Variants in FRMPD1 observed in about 807,000 individuals in gnomAD.
FRMPD1 encodes the protein FERM and PDZ domain-containing protein 1.
Under a neutral mutation model 117.8 loss-of-function variants are expected in FRMPD1, and 76 were observed. The observed-to-expected ratio is 0.65, with a 90% CI of 0.54 to 0.78. The LOEUF is 0.78. Among genes scored for constraint, FRMPD1 ranks in the 30% least tolerant of loss-of-function variants. The pLI, the probability that FRMPD1 is intolerant of heterozygous loss-of-function variation, is 0.00. For synonymous variants in FRMPD1, 783 were observed against 770.4 expected, an observed-to-expected ratio of 1.02 and a Z score of -0.27; for missense variants, 1,786 against 1,964.5, an observed-to-expected ratio of 0.91 and a Z score of 1.72.
chr9:37,677,807 C>T (rs538099789), intron 1 of FRMPD1, among the ~76,000 whole-genome samples: 1 of 152,300 alleles, frequency 6.6e-6, no homozygotes, highest in African/African-American at 2.4e-5. Flanking sequence ...AAAAACCTTG[C>T]AACCTTTGCT....
At chr9:37,690,680 A>T (rs1228676120) in intron 1 of FRMPD1, among the ~76,000 whole-genome samples, 1 of 152,268 alleles carries the variant, frequency 6.6e-6, no homozygotes, top group South Asian at 2.1e-4. Context: ...CCAGAGAAGG[A>T]TTCTCTAATC....
intron 2 of FRMPD1, among the ~76,000 whole-genome samples, chr9:37,697,430 G>A (rs559168386): frequency 1.3e-5 from 2 of 152,124 alleles, no homozygotes; most frequent in African/African-American, 2.4e-5. Flanking sequence ...AGCCGGGCGT[G>A]GTGGCAGGCG....
At chr9:37,701,922 C>G (rs1822547325) in intron 2 of FRMPD1, among the ~76,000 whole-genome samples, 1 of 152,036 alleles carries the variant, frequency 6.6e-6, no homozygotes, top group African/African-American at 2.4e-5. Context: ...GAAATGGACC[C>G]TTTTTGAGAT....
At position 37,744,419 on chromosome 9, in the gene FRMPD1, G is replaced by C. The variant is rs768281905; in HGVS notation, c.2387G>C (p.Ser796Thr). The change falls in exon 16 of 16, where the codon AGT becomes ACT. Residue 796 changes from serine (S) to threonine (T), a missense_variant. Physicochemically the swap from Ser to Thr is moderately conservative, Grantham distance 58. Coordinates refer to ENST00000377765, the MANE Select transcript of FRMPD1 (RefSeq NM_014907.3). ...GPRDVSTAEP[S>T]ATSLQNKAST... ...AGAGATGTTTCTACTGCAGAACCCA[G>C]TGCCACAAGCTTGCAGAATAAGGCC... 5.0e-6 allele frequency: 8 copies of C among 1,610,570 alleles called. No homozygotes were observed. In the East Asian group the frequency reaches 1.3e-4, roughly 27 times the overall value.
intron 13 of FRMPD1, 135 bp downstream of exon 13, chr9:37,735,869 T>A (rs755377480): frequency 1.6e-6 from 1 of 638,550 alleles, no homozygotes; most frequent in Non-Finnish European, 2.6e-6. Context: ...GAATTGTCCA[T>A]CCTGTTCTAT....
chr9:37,621,236 G>A, the FRMPD1 span, among the ~76,000 whole-genome samples: 3 of 152,194 alleles, frequency 2.0e-5, no homozygotes, highest in Non-Finnish European at 2.9e-5. Context: ...GAATAGATGA[G>A]TGAATTGTAA....
intron 2 of FRMPD1, among the ~76,000 whole-genome samples, chr9:37,703,650 C>G (rs1018197322): frequency 3.3e-5 from 5 of 152,186 alleles, no homozygotes; most frequent in African/African-American, 1.2e-4. Flanking sequence ...TTTCATCCCC[C>G]ACAAAGGAAA....
the FRMPD1 span, chr9:37,636,592 A>T: frequency 1.1e-6 from 1 of 903,366 alleles, no homozygotes; most frequent in Non-Finnish European, 1.6e-6. Context: ...CCACAGACTC[A>T]AATGCCCCAG....
rs376023048 is a variant in FRMPD1, at chr9:37,744,642, C to T, written c.2610C>T (p.Asp870=). ...LESVDDVCYY[D]REPYLALGAP... is the part of the protein sequence containing the mutation. ...GTGTAGACGACGTGTGCTACTATGACAGGGAGCCCTACCTGGCCCTTGGTG... is the reference window on the plus strand; with the variant it reads ...GTGTAGACGACGTGTGCTACTATGATAGGGAGCCCTACCTGGCCCTTGGTG... Residue 870 remains aspartate (D), a synonymous_variant, in exon 16 of 16, where the codon GAC becomes GAT. Transcript: ENST00000377765. 6.2e-7 allele frequency: 1 copy of T among 1,613,980 alleles called. No individual in the cohort carries two copies. The highest frequency in any genetic ancestry group is 1.3e-5 in the African/African-American group (1 of 75,028).
chr9:37,743,590 T>C (rs1010959727), intron 15 of FRMPD1, among the ~76,000 whole-genome samples: 5 of 143,566 alleles, frequency 3.5e-5, no homozygotes, highest in African/African-American at 5.1e-5. Flanking sequence ...TCTGGAGAAT[T>C]TGTAGCTGAT....
Position 37,729,747 on chromosome 9 carries a change from A to C in FRMPD1, c.632A>C (p.Lys211Thr). 1 of 1,614,074 alleles carries C rather than the reference A, an allele frequency of 6.2e-7. No individual in the cohort carries two copies. The highest frequency in any genetic ancestry group is 2.2e-5 in the East Asian group (1 of 44,882). ...TGCTAGGACATCATCCTCACCGTGA[A>C]GGAGAAGCTGTCCATCCGAAGTATC... ...TTVKDIILTV[K>T]EKLSIRSIEY... The change falls in exon 8 of 16, where the codon AAG (lysine) becomes ACG (threonine). Residue 211 changes from lysine to threonine, a missense_variant. Coordinates refer to ENST00000377765, the MANE Select transcript of FRMPD1 (RefSeq NM_014907.3).
intron 1 of FRMPD1, among the ~76,000 whole-genome samples, chr9:37,675,105 C>T (rs187523512): frequency 2.6e-5 from 4 of 151,952 alleles, no homozygotes; most frequent in Non-Finnish European, 2.9e-5. Flanking sequence ...GCAGGGAGAC[C>T]GGGTGCTACA....
chr9:37,739,928 C>G lies in FRMPD1; in HGVS notation c.1550-150C>G, dbSNP rs1189193231. ...ATGGAAGCTGGAGTCCCTCGGATCC[C>G]GTGTTCGTCAGTATAGGACGGTCTT... is the stretch of plus-strand genomic sequence containing the variant. On this transcript the variant is annotated intron_variant, in intron 14 of 15. Transcript: ENST00000377765. 4.9e-6 allele frequency: 3 copies of G among 611,056 alleles called. No individual in the cohort carries two copies. In the South Asian group the frequency reaches 6.8e-5, roughly 14 times the overall value. 37.9% of individuals were successfully genotyped at this position (611,056 alleles called of 1,614,324 possible). A position where few individuals can be genotyped will look rare whatever the true frequency, so the allele number is the denominator to read the frequency against.
At position 37,660,935 on chromosome 9, in the gene FRMPD1, C is replaced by T. The variant is rs140328849; in HGVS notation, c.-5+9841C>T. Among the ~76,000 whole-genome samples, 401 of 152,350 alleles carry T rather than the reference C, an allele frequency of 2.6e-3. 1 individual carries two copies. The highest frequency in any genetic ancestry group is 9.3e-3 in the African/African-American group (388 of 41,584). On this transcript the variant is annotated intron_variant, in intron 1 of 15. Coordinates refer to ENST00000377765, the MANE Select transcript of FRMPD1 (RefSeq NM_014907.3). Reference sequence around the variant, plus strand: ...TTCCTTAGCTGCATCTGGCTCCCAGCTGCCTTCATTGGTCTCTACAGTCAT... The same window carrying T: ...TTCCTTAGCTGCATCTGGCTCCCAGTTGCCTTCATTGGTCTCTACAGTCAT...
chr9:37,682,172 A>G (rs1263979257), intron 1 of FRMPD1, among the ~76,000 whole-genome samples: 4 of 152,258 alleles, frequency 2.6e-5, no homozygotes, highest in Admixed American at 2.6e-4. Context: ...CAGGAGAAGA[A>G]TGGGCCTTGG....
intron 1 of FRMPD1, among the ~76,000 whole-genome samples, chr9:37,685,760 C>T (rs778547844): frequency 2.0e-5 from 3 of 152,174 alleles, no homozygotes; most frequent in Non-Finnish European, 4.4e-5. Flanking sequence ...TCAACTGATT[C>T]TGTGCCTGAC....
the FRMPD1 span, among the ~76,000 whole-genome samples, chr9:37,640,129 T>C: frequency 6.6e-6 from 1 of 152,196 alleles, no homozygotes. Context: ...AGCTGTGAAA[T>C]TGGATACCGA....
In FRMPD1 at chr9:37,733,540, A is replaced by G; in HGVS notation, c.1063A>G (p.Lys355Glu). Residue 355 changes from lysine to glutamate, a missense_variant, in exon 11 of 16, where the codon AAG becomes GAG. By Grantham distance (56) the Lys-to-Glu change is moderately conservative. Coordinates refer to ENST00000377765, the MANE Select transcript of FRMPD1 (RefSeq NM_014907.3). ...CCGAAACATGAAAGGCAAAGACATCAAGAAAGCCATTAGCTTCCACATGAA... is the reference window on the plus strand; with the variant it reads ...CCGAAACATGAAAGGCAAAGACATCGAGAAAGCCATTAGCTTCCACATGAA... ...LLRNMKGKDI[K>E]KAISFHMKRN... 1 of 1,613,872 alleles carries G rather than the reference A, an allele frequency of 6.2e-7. No individual in the cohort carries two copies. Among genetic ancestry groups the G allele is most frequent in the Non-Finnish European group, 8.5e-7 (1 of 1,179,726 alleles).
chr9:37,665,089 C>CA lies in FRMPD1; in HGVS notation c.-5+13998dup, dbSNP rs538132433. Among the ~76,000 whole-genome samples the CA allele has an allele frequency of 2.5e-4, 38 of 152,174 alleles. 1 individual carries two copies. In the East Asian group the frequency reaches 6.7e-3, roughly 27 times the overall value. On this transcript the variant is annotated intron_variant, in intron 1 of 15. Coordinates refer to ENST00000377765, the MANE Select transcript of FRMPD1 (RefSeq NM_014907.3). ...TTAAAAATGGCACTCTTATCTATAG[C>CA]AAATAAACAATAATGTTGTAGAATA...
Sources: allele counts gnomAD v4.1 joint callset (sites outside exome capture counted in the v4.1 genomes callset), GRCh38; gene constraint gnomAD v4.1.1; transcripts MANE v1.5; gene names NCBI Gene and HGNC (gene_info 2026-07-23, HGNC 2026-07-21).